The following CSMD1 variants were observed in gnomAD, a reference collection of about 807,000 sequenced individuals.
CSMD1 encodes the protein CUB and sushi domain-containing protein 1.
CSMD1 carries 213 observed loss-of-function variants against 417.5 expected under a neutral mutation model. That is an observed-to-expected ratio of 0.51 (90% CI 0.46 to 0.57). The LOEUF is 0.57. Ranked by LOEUF, CSMD1 falls within the 20% of genes least tolerant of loss-of-function variation. The pLI is 0.00. For missense variants in CSMD1, 6,923 were observed against 4,529.7 expected, an observed-to-expected ratio of 1.53 and a Z score of -15.17; for synonymous variants, 2,862 against 1,736.8, an observed-to-expected ratio of 1.65 and a Z score of -16.11.
chr8:4,737,661 G>C (rs968467737), intron 1 of CSMD1, among the ~76,000 whole-genome samples: 3 of 152,180 alleles, frequency 2.0e-5, no homozygotes, highest in Admixed American at 6.5e-5. Flanking sequence ...AAGAAAAAGA[G>C]ACAGGTTGGA....
intron 5 of CSMD1, among the ~76,000 whole-genome samples, chr8:3,762,606 C>G (rs1305964914): frequency 2.0e-5 from 3 of 152,232 alleles, no homozygotes; most frequent in African/African-American, 4.8e-5. Flanking sequence ...AAGCCCATGA[C>G]TTGGCCCTAA....
chr8:4,465,755 T>C (rs1163981346), intron 2 of CSMD1, among the ~76,000 whole-genome samples: 4 of 151,618 alleles, frequency 2.6e-5, no homozygotes, highest in Non-Finnish European at 4.4e-5. Context: ...TTGTAGGTCA[T>C]CTATTATTTT....
chr8:4,882,979 C>T (rs567310788), intron 1 of CSMD1, among the ~76,000 whole-genome samples: 20 of 152,048 alleles, frequency 1.3e-4, no homozygotes, highest in African/African-American at 4.8e-4. Flanking sequence ...TAAAAACTGC[C>T]AAGACAGAAG....
intron 12 of CSMD1, among the ~76,000 whole-genome samples, chr8:3,425,506 T>G (rs1813780303): frequency 6.7e-6 from 1 of 148,346 alleles, no homozygotes; most frequent in East Asian, 2.0e-4. Flanking sequence ...GAGAACCGCT[T>G]GAACCCAGGA....
intron 4 of CSMD1, among the ~76,000 whole-genome samples, chr8:4,002,999 T>C (rs1815812617): frequency 1.4e-5 from 2 of 146,630 alleles, no homozygotes; most frequent in South Asian, 2.2e-4. Context: ...GTTTAATTTT[T>C]TCAAAATAAA....
chr8:3,772,939 G>A (rs1196231201), intron 5 of CSMD1, among the ~76,000 whole-genome samples: 1 of 151,952 alleles, frequency 6.6e-6, no homozygotes, highest in Non-Finnish European at 1.5e-5. Flanking sequence ...ACAGTTCTGG[G>A]GTCTGGAGGT....
chr8:2,941,967 T>C (rs985743330), intron 69 of CSMD1, among the ~76,000 whole-genome samples: 3 of 152,186 alleles, frequency 2.0e-5, no homozygotes, highest in African/African-American at 7.2e-5. Flanking sequence ...AAAAACATAT[T>C]ATTTCTCAAC....
intron 18 of CSMD1, among the ~76,000 whole-genome samples, chr8:3,379,504 C>CA (rs1563328219): frequency 9.2e-5 from 14 of 152,150 alleles, no homozygotes; most frequent in African/African-American, 2.9e-4. Flanking sequence ...ACTATACTAC[C>CA]AGGCTACAGT....
At chr8:3,399,300 T>A in intron 16 of CSMD1, 91 bp downstream of exon 16, 1 of 1,250,982 alleles carries the variant, frequency 8.0e-7, no homozygotes, top group Admixed American at 2.4e-5. Flanking sequence ...CGAAAAAAAC[T>A]GCCATCTTTT....
chr8:4,778,075 T>C (rs1192012051), intron 1 of CSMD1, among the ~76,000 whole-genome samples: 1 of 152,202 alleles, frequency 6.6e-6, no homozygotes, highest in Non-Finnish European at 1.5e-5. Flanking sequence ...ACAGGCATAC[T>C]GGTGCAATAT....
chr8:3,825,986 G>T (rs1047588896), intron 5 of CSMD1, among the ~76,000 whole-genome samples: 1 of 152,132 alleles, frequency 6.6e-6, no homozygotes, highest in African/African-American at 2.4e-5. Context: ...CAGCAGGATC[G>T]TATTCTTTAT....
chr8:3,000,818 C>G (rs1463631314), intron 52 of CSMD1, among the ~76,000 whole-genome samples: 1 of 152,134 alleles, frequency 6.6e-6, no homozygotes, highest in Admixed American at 6.5e-5. Flanking sequence ...AGTGAAAGAA[C>G]AGGAAGGAGC....
chr8:4,821,925 A>G (rs1161210144), intron 1 of CSMD1, among the ~76,000 whole-genome samples: 1 of 152,090 alleles, frequency 6.6e-6, no homozygotes, highest in Admixed American at 6.6e-5. Context: ...TGCCTGCTTC[A>G]GGTATTTTTA....
At chr8:3,270,791 C>T (rs1056041889) in intron 26 of CSMD1, among the ~76,000 whole-genome samples, 12 of 152,306 alleles carry the variant, frequency 7.9e-5, no homozygotes, top group Middle Eastern at 3.4e-3. Flanking sequence ...CTGATAAAGA[C>T]ATACCCAAGA....
intron 1 of CSMD1, among the ~76,000 whole-genome samples, chr8:4,723,387 C>G (rs918108569): frequency 6.6e-6 from 1 of 152,002 alleles, no homozygotes; most frequent in Non-Finnish European, 1.5e-5. Context: ...AAACATGTTG[C>G]CATTTCTGAA....
chr8:4,489,479 T>C (rs930259586), intron 2 of CSMD1, among the ~76,000 whole-genome samples: 2 of 152,196 alleles, frequency 1.3e-5, no homozygotes, highest in African/African-American at 4.8e-5. Flanking sequence ...GGGAACACCA[T>C]ATGCCCCACC....
chr8:4,195,469 G>T (rs1441371330), intron 3 of CSMD1, among the ~76,000 whole-genome samples: 1 of 152,178 alleles, frequency 6.6e-6, no homozygotes, highest in African/African-American at 2.4e-5. Flanking sequence ...GCCTTAATGT[G>T]CTCCTCGTGA....
At chr8:4,418,559 T>A (rs1214431362) in intron 3 of CSMD1, among the ~76,000 whole-genome samples, 1 of 152,210 alleles carries the variant, frequency 6.6e-6, no homozygotes, top group Admixed American at 6.5e-5. Context: ...GGAAGCATTA[T>A]CTATTTTCTG....
intron 1 of CSMD1, among the ~76,000 whole-genome samples, chr8:4,680,891 T>G (rs1258799972): frequency 1.3e-5 from 2 of 151,508 alleles, no homozygotes; most frequent in African/African-American, 4.9e-5. Context: ...TAAGATAGTT[T>G]TCAATGTGAT....
Sources: allele counts gnomAD v4.1 joint callset (sites outside exome capture counted in the v4.1 genomes callset), GRCh38; gene constraint gnomAD v4.1.1; transcripts MANE v1.5; gene names NCBI Gene and HGNC (gene_info 2026-07-23, HGNC 2026-07-21).